Variants in PIK3R3 observed in about 807,000 individuals in gnomAD.
PIK3R3 encodes phosphoinositide-3-kinase regulatory subunit 3.
In PIK3R3, 64 loss-of-function variants were observed where a neutral mutation model predicts 62.9. That is an observed-to-expected ratio of 1.02 (90% CI 0.83 to 1.25). The LOEUF (loss-of-function observed/expected upper bound fraction) is 1.25. PIK3R3 is among the 50% of genes most tolerant of loss of function. The pLI, the probability that PIK3R3 is intolerant of heterozygous loss-of-function variation, is 0.00. For synonymous variants in PIK3R3, 165 were observed against 189.0 expected (o/e 0.87, Z 1.04); for missense variants, 614 against 561.6 (o/e 1.09, Z -0.94).
At chr1:46,125,207 G>A (rs563461668) in intron 1 of PIK3R3, among the ~76,000 whole-genome samples, 1 of 152,186 alleles carries the variant, frequency 6.6e-6, no homozygotes, top group South Asian at 2.1e-4. Context: ...CATACTTCTA[G>A]TGAAACATAG....
rs1030459624 is a variant in PIK3R3 at position 46,132,318 on chromosome 1, T to G, written c.-366A>C. 6.5e-5 allele frequency: 73 copies of G among 1,117,044 alleles called. No homozygotes were observed. Among genetic ancestry groups the G allele is most frequent in the Non-Finnish European group, 7.7e-5 (70 of 907,424 alleles). 69.2% of individuals were successfully genotyped at this position (1,117,044 alleles called of 1,614,324 possible). On this transcript the variant is annotated 5_prime_UTR_variant, in exon 1 of 10. Coordinates refer to ENST00000262741, the MANE Select transcript of PIK3R3 (RefSeq NM_003629.4). ...CAAATCTTTCCGCGGAAGCCACTTT[T>G]GTGTCCTTCGAAGGAGGGAGAATGA...
Position 46,066,315 on chromosome 1 carries a change from G to T in PIK3R3, c.496-136C>A, listed in dbSNP as rs76597546. ...CTATATTTCAACTGTACAACTTTAA[G>T]CCACTGTATTAATATCAAGCACACA... On this transcript the variant is annotated intron_variant, in intron 4 of 9. Coordinates refer to ENST00000262741, the MANE Select transcript of PIK3R3 (RefSeq NM_003629.4). 3,045 of 631,006 alleles carry T rather than the reference G, an allele frequency of 4.8e-3. 49 individuals are homozygous for T. Among genetic ancestry groups the T allele is most frequent in the East Asian group, 0.035 (1,269 of 35,848 alleles). The allele number at this position is 631,006 out of a possible 1,614,324, so 39.1% of individuals were successfully genotyped here.
At chr1:46,144,150 TG>T in the PIK3R3 span, among the ~76,000 whole-genome samples, 4 of 152,234 alleles carry the variant, frequency 2.6e-5, no homozygotes, top group Non-Finnish European at 5.9e-5. Context: ...TTCAGGGGTT[TG>T]GACCTATAAC....
At chr1:46,088,315 AC>A (rs55825127) in intron 1 of PIK3R3, among the ~76,000 whole-genome samples, 30,334 of 151,978 alleles carry the variant, frequency 0.2, 3,518 homozygotes, top group Non-Finnish European at 0.26. Context: ...AAATAAAAAA[AC>A]AACAGACATT....
At chr1:46,081,118 G>C (rs1650545070) in intron 1 of PIK3R3, among the ~76,000 whole-genome samples, 1 of 151,982 alleles carries the variant, frequency 6.6e-6, no homozygotes, top group East Asian at 1.9e-4. Flanking sequence ...CTGGTAATCT[G>C]CCAAGTGAGT....
In PIK3R3 at chr1:46,042,918, T is replaced by G; in HGVS notation, c.*755A>C. ...TTAGCGTTTGCTAAAACTCACAAAT[T>G]CTAGTCTTTTTATGTTCAAGTTTTG... On this transcript the variant is annotated 3_prime_UTR_variant, in exon 10 of 10. Transcript: ENST00000262741. The surrounding 1 kb of genome is among the most constrained non-coding windows in gnomAD (Gnocchi z 4.3). 4.9e-6 allele frequency: 1 copy of G among 205,980 alleles called. No homozygotes were observed. The highest frequency in any genetic ancestry group is 7.4e-5 in the East Asian group (1 of 13,436). 12.8% of individuals were successfully genotyped at this position (205,980 alleles called of 1,614,324 possible).
the PIK3R3 span, among the ~76,000 whole-genome samples, chr1:46,138,630 G>A: frequency 6.6e-6 from 1 of 152,226 alleles, no homozygotes; most frequent in Non-Finnish European, 1.5e-5. Flanking sequence ...ACTGCTCCCA[G>A]CCTGGGCACA....
chr1:46,078,190 T>C (rs1324314840), intron 2 of PIK3R3, among the ~76,000 whole-genome samples: 2 of 152,124 alleles, frequency 1.3e-5, no homozygotes, highest in African/African-American at 4.8e-5. Flanking sequence ...GATCTTAAAA[T>C]TTAAAAAAAG....
intron 1 of PIK3R3, among the ~76,000 whole-genome samples, chr1:46,127,368 TATAC>T (rs1417806293): frequency 2.7e-5 from 4 of 147,074 alleles, no homozygotes; most frequent in African/African-American, 9.9e-5. Context: ...TATATATATA[TATAC>T]ATAATTTCAG....
At chr1:46,070,485 G>GA (rs1649384168) in intron 3 of PIK3R3, among the ~76,000 whole-genome samples, 1 of 152,130 alleles carries the variant, frequency 6.6e-6, no homozygotes, top group Admixed American at 6.5e-5. Context: ...CTTTAAAAGA[G>GA]AAAAAAAGAA....
the PIK3R3 span, among the ~76,000 whole-genome samples, chr1:46,170,689 G>A: frequency 6.6e-6 from 1 of 152,182 alleles, no homozygotes; most frequent in Non-Finnish European, 1.5e-5. Flanking sequence ...CCAAAGTGCT[G>A]GGATTACAGG....
chr1:46,136,201 A>G (rs1212418169), upstream of PIK3R3, among the ~76,000 whole-genome samples: 1 of 151,816 alleles, frequency 6.6e-6, no homozygotes, highest in Non-Finnish European at 1.5e-5. Flanking sequence ...GTCTTGTGAT[A>G]AGGCCCAGTC....
chr1:46,127,362 T>A (rs1461213203), intron 1 of PIK3R3, among the ~76,000 whole-genome samples: 1 of 146,550 alleles, frequency 6.8e-6, no homozygotes, highest in African/African-American at 2.5e-5. Context: ...AAAAAATATA[T>A]ATATATATAC....
chr1:46,049,499 AG>A (rs539619482), intron 7 of PIK3R3, among the ~76,000 whole-genome samples: 2 of 152,250 alleles, frequency 1.3e-5, no homozygotes, highest in Non-Finnish European at 2.9e-5. Context: ...CCTCAGGCAC[AG>A]GGCATCCTGG....
intron 7 of PIK3R3, among the ~76,000 whole-genome samples, chr1:46,051,996 G>C (rs950147892): frequency 1.2e-4 from 18 of 152,022 alleles, no homozygotes; most frequent in African/African-American, 4.1e-4. Flanking sequence ...AAATTAGCTG[G>C]GCATGGTGGC....
At chr1:46,055,159 A>G (rs1316749493) in intron 7 of PIK3R3, among the ~76,000 whole-genome samples, 1 of 140,546 alleles carries the variant, frequency 7.1e-6, no homozygotes, top group East Asian at 2.1e-4. Flanking sequence ...CCAGGCATGG[A>G]GTGCAGTGGC....
chr1:46,174,294 T>C, the PIK3R3 span, among the ~76,000 whole-genome samples: 8,356 of 152,160 alleles, frequency 0.055, 744 homozygotes, highest in African/African-American at 0.19. Context: ...AAGCACCTTC[T>C]AGCTTTGACT....
At chr1:46,065,270 A>C (rs576085310) in intron 5 of PIK3R3, among the ~76,000 whole-genome samples, 22 of 152,366 alleles carry the variant, frequency 1.4e-4, no homozygotes, top group African/African-American at 2.6e-4. Flanking sequence ...GCTAAAAAAC[A>C]ATCTAAAAAG....
intron 1 of PIK3R3, among the ~76,000 whole-genome samples, chr1:46,116,393 C>T (rs1180031858): frequency 6.6e-6 from 1 of 152,042 alleles, no homozygotes; most frequent in Admixed American, 6.6e-5. Context: ...TAGTGCATAC[C>T]TGTAGTCTCA....
Sources: allele counts gnomAD v4.1 joint callset (sites outside exome capture counted in the v4.1 genomes callset), GRCh38; gene constraint gnomAD v4.1.1; non-coding constraint Gnocchi (gnomAD v3.1); transcripts MANE v1.5; gene names NCBI Gene and HGNC (gene_info 2026-07-23, HGNC 2026-07-21).